Variants in TNXB observed in about 807,000 individuals in gnomAD.
TNXB encodes the protein tenascin XB, also known as tenascin-X.
Under a neutral mutation model 340.5 loss-of-function variants are expected in TNXB, and 183 were observed. That is an observed-to-expected ratio of 0.54 (90% CI 0.48 to 0.61). The LOEUF (loss-of-function observed/expected upper bound fraction) is 0.61, where lower values mean the gene tolerates loss of function less well. Among genes scored for constraint, TNXB ranks in the 20% least tolerant of loss-of-function variants. TNXB has a pLI of 0.00. For synonymous variants in TNXB, 2,121 were observed against 2,314.5 expected, an observed-to-expected ratio of 0.92 and a Z score of 2.40; for missense variants, 4,613 against 5,446.4, an observed-to-expected ratio of 0.85 and a Z score of 4.82.
intron 25 of TNXB, 53 bp from the exon 26 acceptor site, chr6:32,053,046 G>C: frequency 6.4e-7 from 1 of 1,561,834 alleles, no homozygotes; most frequent in Non-Finnish European, 8.7e-7. Flanking sequence ...GATGTCCTTG[G>C]GTCTTGTGAG....
At position 32,051,210 on chromosome 6, in the gene TNXB, G is replaced by T. The variant is rs1777265525; in HGVS notation, c.9116-889C>A. On this transcript the variant is annotated intron_variant, in intron 26 of 43. Transcript: ENST00000644971. The surrounding 1 kb of genome is among the most constrained non-coding windows in gnomAD (Gnocchi z 4.7). The stretch of plus-strand genomic sequence containing the variant: ...CTGACTGTCCCCTGAGTATCCACAG[G>T]TAGGGTGGTTTAGGTATTCCTGCCT... Among the ~76,000 whole-genome samples, 1 of 152,210 alleles carries T rather than the reference G, an allele frequency of 6.6e-6. No individual in the cohort carries two copies. The highest frequency in any genetic ancestry group is 2.4e-5 in the African/African-American group (1 of 41,454).
Position 32,096,037 on chromosome 6 carries a change from TGCACACACCGTCCTG to T in TNXB, c.1801_1815del (p.Gln601_Cys605del). On this transcript the variant is annotated inframe_deletion, in exon 3 of 44. Coordinates refer to ENST00000644971, the MANE Select transcript of TNXB (RefSeq NM_001365276.2). ...TCACTCACGTAGCCTTCCCAACAGATGCACACACCGTCCTGGCACACGCCGTGCTGGCTGCAGTCA... is the reference window on the plus strand; with the variant it reads ...TCACTCACGTAGCCTTCCCAACAGATGCACACGCCGTGCTGGCTGCAGTCA... 1.2e-6 allele frequency: 2 copies of T among 1,613,122 alleles called. No individual in the cohort carries two copies. Among genetic ancestry groups the T allele is most frequent in the Non-Finnish European group, 1.7e-6 (2 of 1,179,754 alleles).
In TNXB at chr6:32,097,922, G is replaced by T. The variant is rs539922100; in HGVS notation, c.277C>A (p.Pro93Thr). The T allele has an allele frequency of 6.3e-7, 1 of 1,590,402 alleles. No homozygotes were observed. Among genetic ancestry groups the T allele is most frequent in the African/African-American group, 1.3e-5 (1 of 74,766 alleles). ...TGCGCPPGTEPPVLASEVQAL... is the reference protein window; with the variant it reads ...TGCGCPPGTETPVLASEVQAL... Reference sequence around the variant, plus strand: ...TGTACCTCTGAAGCAAGGACTGGGGGCTCGGTGCCTGGGGGACAGCCACAG... The same window carrying T: ...TGTACCTCTGAAGCAAGGACTGGGGTCTCGGTGCCTGGGGGACAGCCACAG... The change falls in exon 2 of 44, where the codon CCC becomes ACC. Residue 93 changes from proline (P) to threonine (T), a missense_variant. Pro to Thr is a conservative substitution (Grantham distance 38). Coordinates refer to ENST00000644971, the MANE Select transcript of TNXB (RefSeq NM_001365276.2). The surrounding 1 kb of genome is among the most constrained non-coding windows in gnomAD (Gnocchi z 5.9).
In TNXB at chr6:32,096,260, G is replaced by C. The variant is rs868198136; in HGVS notation, c.1593C>G (p.Asp531Glu). 1 of 1,565,202 alleles carries C rather than the reference G, an allele frequency of 6.4e-7. No individual in the cohort carries two copies. The highest frequency in any genetic ancestry group is 1.2e-5 in the South Asian group (1 of 85,670). The change falls in exon 3 of 44, where the codon GAC becomes GAG. Residue 531 changes from aspartate to glutamate, a missense_variant. This residue lies in a region of TNXB where 4,327 missense variants were observed against 4,859.4 expected (regional missense o/e 0.89). Coordinates refer to ENST00000644971, the MANE Select transcript of TNXB (RefSeq NM_001365276.2). The part of the protein sequence containing the change: ...EDCGSRRCPG[D>E]CRGHGLCEDG... ...CCTCGCAAAGGCCGTGCCCACGGCA[G>C]TCCCCGGGACAGCGACGGCTCCCAC...
chr6:32,104,613 C>T (rs887753751), intron 1 of TNXB, among the ~76,000 whole-genome samples: 1 of 152,162 alleles, frequency 6.6e-6, no homozygotes, highest in East Asian at 1.9e-4. Flanking sequence ...TGCCTGACAA[C>T]TGCAATTGCC....
rs57167855 is a variant in TNXB at position 32,067,148 on chromosome 6, A to C, written c.6544+513T>G. ...GAAAGGAAGGAAGAAAGAAAGAAAG[A>C]AAGAAAGAAAGAAAGAAAGAAAGAA... On this transcript the variant is annotated intron_variant, in intron 18 of 43. Transcript: ENST00000644971. This position sits in a 1 kb window ranked among gnomAD's most constrained non-coding sequence, Gnocchi z 4.2. 8.2e-6 allele frequency among the ~76,000 whole-genome samples: 1 copy of C among 121,462 alleles called. No individual in the cohort carries two copies. Among genetic ancestry groups the C allele is most frequent in the African/African-American group, 3.7e-5 (1 of 27,130 alleles). 79.7% of individuals were successfully genotyped at this position (121,462 alleles called of 152,430 possible). A position where few individuals can be genotyped will look rare whatever the true frequency, so the allele number is the denominator to read the frequency against.
At position 32,064,873 on chromosome 6, in the gene TNXB, G is replaced by A. The variant is rs962705956; in HGVS notation, c.6789C>T (p.Tyr2263=). Residue 2263 remains tyrosine (Y), a synonymous_variant, in exon 19 of 44, where the codon TAC becomes TAT. Coordinates refer to ENST00000644971, the MANE Select transcript of TNXB (RefSeq NM_001365276.2). This position sits in a 1 kb window ranked among gnomAD's most constrained non-coding sequence, Gnocchi z 5.3. ...EPDHKYKMNL[Y]GFHGGQRVGP... is the part of the protein sequence containing the mutation. ...CCACGCGCTGGCCACCGTGGAAGCC[G>A]TACAGGTTCATCTTGTACTTGTGGT... The A allele has an allele frequency of 2.5e-6, 4 of 1,612,238 alleles. No homozygotes were observed. Among genetic ancestry groups the A allele is most frequent in the African/African-American group, 1.3e-5 (1 of 75,040 alleles).
At chr6:32,100,647 GT>G (rs1441722864) in intron 1 of TNXB, among the ~76,000 whole-genome samples, 3 of 151,832 alleles carry the variant, frequency 2.0e-5, no homozygotes, top group Non-Finnish European at 4.4e-5. Context: ...GATTACTTGA[GT>G]CTGGGAGGTC....
intron 31 of TNXB, 195 bp downstream of exon 31, chr6:32,045,980 C>T: frequency 1.5e-6 from 2 of 1,316,268 alleles, no homozygotes; most frequent in Non-Finnish European, 1.9e-6. Flanking sequence ...TCCCTCCCGC[C>T]TGGCCTGGCT....
Position 32,067,901 on chromosome 6 carries a change from T to C in TNXB, c.6304A>G (p.Thr2102Ala), listed in dbSNP as rs1378276570. Reference sequence around the variant, plus strand: ...GAGTCAGGGGAGGATCCTGTCACTGTTAGCTCCCCCAGGAGCGGCTCCTCA... The same window carrying C: ...GAGTCAGGGGAGGATCCTGTCACTGCTAGCTCCCCCAGGAGCGGCTCCTCA... ...PAEEPLLGEL[T>A]VTGSSPDSLS... The change falls in exon 18 of 44, where the codon ACA (threonine) becomes GCA (alanine). Residue 2102 changes from threonine to alanine, a missense_variant. Around this residue, in one of 7 missense-constraint regions of TNXB, gnomAD observed 4,327 missense variants for 4,859.4 expected, o/e 0.89. Coordinates refer to ENST00000644971, the MANE Select transcript of TNXB (RefSeq NM_001365276.2). This position sits in a 1 kb window ranked among gnomAD's most constrained non-coding sequence, Gnocchi z 4.2. The C allele has an allele frequency of 6.2e-7, 1 of 1,612,750 alleles. No individual in the cohort carries two copies. Among genetic ancestry groups the C allele is most frequent in the East Asian group, 2.2e-5 (1 of 44,872 alleles).
chr6:32,049,261 C>G lies in TNXB; in HGVS notation c.9757+9G>C, dbSNP rs760537541. 6.2e-7 allele frequency: 1 copy of G among 1,606,216 alleles called. No individual in the cohort carries two copies. Among genetic ancestry groups the G allele is most frequent in the South Asian group, 1.1e-5 (1 of 90,804 alleles). ...AAACCTGGGGACGAGGGCCTGTCCC[C>G]CCACTCACCCGTGATGCCCACGGTG... is the stretch of plus-strand genomic sequence containing the variant. On this transcript the variant is annotated intron_variant, in intron 28 of 43. Transcript: ENST00000644971. The surrounding 1 kb of genome is among the most constrained non-coding windows in gnomAD (Gnocchi z 4.5).
At position 32,067,953 on chromosome 6, in the gene TNXB, T is replaced by A. The variant is rs777165418; in HGVS notation, c.6252A>T (p.Glu2084Asp). ...AAEEETPSPT[E>D]PSMEAPEPAE... ...CGGGCTCCGGGGCCTCCATGCTGGGTTCTGTGGGGCTGGGGGTCTCTTCCT... is the reference window on the plus strand; with the variant it reads ...CGGGCTCCGGGGCCTCCATGCTGGGATCTGTGGGGCTGGGGGTCTCTTCCT... Residue 2084 changes from glutamate (E) to aspartate (D), a missense_variant, in exon 18 of 44, where the codon GAA becomes GAT. Glu to Asp is a conservative substitution (Grantham distance 45, BLOSUM62 2). Around this residue, in one of 7 missense-constraint regions of TNXB, gnomAD observed 4,327 missense variants for 4,859.4 expected, o/e 0.89. Transcript: ENST00000644971. The surrounding 1 kb of genome is among the most constrained non-coding windows in gnomAD (Gnocchi z 4.2). 2.6e-5 allele frequency: 42 copies of A among 1,611,604 alleles called. No individual in the cohort carries two copies. In the South Asian group the frequency reaches 4.5e-4, roughly 17 times the overall value.
chr6:32,046,165 G>A lies in TNXB; in HGVS notation c.10606+10C>T, dbSNP rs1776853817. 6.3e-7 allele frequency: 1 copy of A among 1,576,996 alleles called. No individual in the cohort carries two copies. Among genetic ancestry groups the A allele is most frequent in the South Asian group, 1.1e-5 (1 of 88,164 alleles). ...AGCTGGCTTGCTATAGCCAGGCACA[G>A]CAGCCTCACCTGTCATTCCCAGGGC... is the stretch of plus-strand genomic sequence containing the variant. On this transcript the variant is annotated intron_variant, in intron 31 of 43. Coordinates refer to ENST00000644971, the MANE Select transcript of TNXB (RefSeq NM_001365276.2). The surrounding 1 kb of genome is among the most constrained non-coding windows in gnomAD (Gnocchi z 6.9).
rs894161502 is a variant in TNXB at position 32,049,922 on chromosome 6, C to T, written c.9439+76G>A. On this transcript the variant is annotated intron_variant, in intron 27 of 43. Coordinates refer to ENST00000644971, the MANE Select transcript of TNXB (RefSeq NM_001365276.2). This position sits in a 1 kb window ranked among gnomAD's most constrained non-coding sequence, Gnocchi z 4.5. ...GTGCTGACCAGACCCCTGTCCCATT[C>T]CCCACCAGTCATCACCAAAGAGCAA... is the stretch of plus-strand genomic sequence containing the variant. 2.5e-6 allele frequency: 4 copies of T among 1,599,872 alleles called. No homozygotes were observed. The highest frequency in any genetic ancestry group is 3.4e-5 in the Admixed American group (2 of 59,550).
Position 32,050,041 on chromosome 6 carries a change from G to A in TNXB, c.9396C>T (p.His3132=), listed in dbSNP as rs765232560. The A allele has an allele frequency of 4.2e-5, 67 of 1,613,694 alleles. 1 individual carries two copies. The highest frequency in any genetic ancestry group is 1.3e-4 in the Admixed American group (8 of 60,012). Residue 3132 remains histidine (H), a synonymous_variant, in exon 27 of 44, where the codon CAC becomes CAT. Coordinates refer to ENST00000644971, the MANE Select transcript of TNXB (RefSeq NM_001365276.2). ...HKYKMNLYGF[H]GGQRVGPVSA... is the part of the protein sequence containing the mutation. ...ACACAGGGCCTACGCGCTGGCCACC[G>A]TGGAAGCCGTACAGGTTCATCTTGT... is the stretch of plus-strand genomic sequence containing the variant.
In TNXB at chr6:32,095,900, C is replaced by A; in HGVS notation, c.1953G>T (p.Met651Ile). Reference sequence around the variant, plus strand: ...CACGTCCCCGGCAGTCAGCCGGGCACATGCGGGTGGCACAGGTAGGGCCGG... The same window carrying A: ...CACGTCCCCGGCAGTCAGCCGGGCAAATGCGGGTGGCACAGGTAGGGCCGG... ...GYTGPTCATR[M>I]CPADCRGRGR... Residue 651 changes from methionine (M) to isoleucine (I), a missense_variant, in exon 3 of 44, where the codon ATG becomes ATT. Met to Ile is a conservative substitution (Grantham distance 10, BLOSUM62 1). Coordinates refer to ENST00000644971, the MANE Select transcript of TNXB (RefSeq NM_001365276.2). 1 of 1,612,716 alleles carries A rather than the reference C, an allele frequency of 6.2e-7. No individual in the cohort carries two copies. The highest frequency in any genetic ancestry group is 1.1e-5 in the South Asian group (1 of 90,980).
rs148488814 is a variant in TNXB, at chr6:32,091,171, C to T, written c.2359-1792G>A. Among the ~76,000 whole-genome samples, 453 of 152,306 alleles carry T rather than the reference C, an allele frequency of 3.0e-3. 12 individuals carry two copies. In the East Asian group the frequency reaches 0.056, roughly 19 times the overall value. Reference sequence around the variant, plus strand: ...TGTTGCCCAGGCTGGAGTGCAATGGCGCGATCTCAGCTCATCGCGAGCTCC... The same window carrying T: ...TGTTGCCCAGGCTGGAGTGCAATGGTGCGATCTCAGCTCATCGCGAGCTCC... On this transcript the variant is annotated intron_variant, in intron 4 of 43. Transcript: ENST00000644971.
Position 32,089,427 on chromosome 6 carries a change from T to C in TNXB, c.2359-48A>G. On this transcript the variant is annotated intron_variant, in intron 4 of 43. Coordinates refer to ENST00000644971, the MANE Select transcript of TNXB (RefSeq NM_001365276.2). This position sits in a 1 kb window ranked among gnomAD's most constrained non-coding sequence, Gnocchi z 6.2. ...GCTCAGGGGCTGGCACTCTTGCCTC[T>C]GCTGCTCAATCCCCCTTATCTCTTC... 6.4e-7 allele frequency: 1 copy of C among 1,563,178 alleles called. No homozygotes were observed. The highest frequency in any genetic ancestry group is 8.7e-7 in the Non-Finnish European group (1 of 1,155,732).
At position 32,067,755 on chromosome 6, in the gene TNXB, C is replaced by G; in HGVS notation, c.6450G>C (p.Val2150=). 6.2e-7 allele frequency: 1 copy of G among 1,613,710 alleles called. No individual in the cohort carries two copies. Among genetic ancestry groups the G allele is most frequent in the Non-Finnish European group, 8.5e-7 (1 of 1,179,860 alleles). ...RVGGEESEVT[V]GGLEPGRKYK... ...ACTTGCGCCCAGGCTCCAGGCCCCC[C>G]ACGGTGACTTCACTCTCCTCGCCCC... is the stretch of plus-strand genomic sequence containing the variant. The change falls in exon 18 of 44, where the codon GTG becomes GTC. Residue 2150 remains valine, a synonymous_variant. Transcript: ENST00000644971. This position sits in a 1 kb window ranked among gnomAD's most constrained non-coding sequence, Gnocchi z 4.2.
Sources: gnomAD v4.1 joint callset for allele counts (sites outside exome capture counted in the v4.1 genomes callset) on GRCh38, gnomAD v4.1.1 for gene constraint, gnomAD v4.1.1 regional missense constraint, Gnocchi (gnomAD v3.1) non-coding constraint, MANE v1.5 for transcripts, NCBI Gene and HGNC (gene_info 2026-07-23, HGNC 2026-07-21) for gene names.